Variants in RIMS2 observed in about 807,000 individuals in gnomAD.
RIMS2 encodes the protein regulating synaptic membrane exocytosis 2.
In RIMS2, 59 loss-of-function variants were observed where a neutral mutation model predicts 174.4. That is an observed-to-expected ratio of 0.34 (90% CI 0.27 to 0.42). RIMS2 has a LOEUF of 0.42. RIMS2 is among the 10% of genes least tolerant of loss of function. The pLI is 1.00. For missense variants in RIMS2, 1,620 were observed against 1,666.3 expected (o/e 0.97, Z 0.48); for synonymous variants, 606 against 572.5 (o/e 1.06, Z -0.84).
intron 1 of RIMS2, among the ~76,000 whole-genome samples, chr8:103,678,366 G>A (rs2096840601): frequency 1.3e-5 from 2 of 152,144 alleles, no homozygotes; most frequent in African/African-American, 4.8e-5. Context: ...CAATTCTCAT[G>A]ACTTTTCTAA....
intron 1 of RIMS2, among the ~76,000 whole-genome samples, chr8:103,612,549 T>C (rs1286777464): frequency 1.3e-5 from 2 of 152,198 alleles, no homozygotes; most frequent in Non-Finnish European, 2.9e-5. Context: ...AAGAATTCTC[T>C]GGATTACTAG....
At chr8:103,791,220 C>T (rs2098495791) in intron 3 of RIMS2, among the ~76,000 whole-genome samples, 1 of 152,210 alleles carries the variant, frequency 6.6e-6, no homozygotes, top group South Asian at 2.1e-4. Context: ...AACAGCAGAT[C>T]TCTTTGCAGA....
chr8:104,038,441 A>T (rs752944758), intron 19 of RIMS2, among the ~76,000 whole-genome samples: 2 of 152,044 alleles, frequency 1.3e-5, no homozygotes, highest in East Asian at 1.9e-4. Context: ...TATTGATTAG[A>T]TGAAAAGTTG....
chr8:103,837,146 A>C (rs1030736647), intron 3 of RIMS2, among the ~76,000 whole-genome samples: 2 of 152,220 alleles, frequency 1.3e-5, no homozygotes, highest in African/African-American at 2.4e-5. Context: ...ACTGTCTTGC[A>C]GTTCTATAGG....
exon 11 of RIMS2, chr8:103,927,884 G>A: frequency 6.2e-7 from 1 of 1,607,522 alleles, no homozygotes; most frequent in South Asian, 1.1e-5. Flanking sequence ...TGTTCCTAGG[G>A]TTCAGGTAAA....
chr8:104,209,106 G>A (rs1416998884), intron 19 of RIMS2, among the ~76,000 whole-genome samples: 1 of 152,150 alleles, frequency 6.6e-6, no homozygotes, highest in Non-Finnish European at 1.5e-5. Flanking sequence ...GAACAACAAA[G>A]AACTGATGGA....
intron 1 of RIMS2, among the ~76,000 whole-genome samples, chr8:103,610,272 T>C (rs1362202168): frequency 6.6e-6 from 1 of 152,178 alleles, no homozygotes; most frequent in Non-Finnish European, 1.5e-5. Flanking sequence ...CTATGTCATA[T>C]GCAAAGGGGA....
At chr8:103,945,670 A>T (rs2083546785) in intron 14 of RIMS2, among the ~76,000 whole-genome samples, 1 of 152,154 alleles carries the variant, frequency 6.6e-6, no homozygotes, top group African/African-American at 2.4e-5. Context: ...ACATATTAAC[A>T]GAAAAAAGAA....
At chr8:103,758,957 A>C (rs886139071) in intron 2 of RIMS2, among the ~76,000 whole-genome samples, 3 of 152,198 alleles carry the variant, frequency 2.0e-5, no homozygotes, top group Non-Finnish European at 4.4e-5. Flanking sequence ...CATTACTTCA[A>C]GCTGAGGGTA....
At chr8:103,743,394 T>A (rs2097779015) in intron 2 of RIMS2, among the ~76,000 whole-genome samples, 1 of 152,172 alleles carries the variant, frequency 6.6e-6, no homozygotes, top group Non-Finnish European at 1.5e-5. Context: ...CAGTTTCTAT[T>A]CCATTGAGTT....
chr8:103,631,084 G>T (rs1025253334), intron 1 of RIMS2, among the ~76,000 whole-genome samples: 11 of 152,148 alleles, frequency 7.2e-5, no homozygotes, highest in Non-Finnish European at 1.2e-4. Context: ...TGTTTACTCT[G>T]TTGATAGTTT....
rs183035112 is a variant in RIMS2 at position 104,233,301 on chromosome 8, C to T, written c.3335-11615C>T. On this transcript the variant is annotated intron_variant, in intron 19 of 23. Coordinates refer to ENST00000504942, the Ensembl canonical transcript of RIMS2. ...AGCAATGTGTAGTCCTCTCATATCT[C>T]GATGTGGCTTTTCATGTTATGGTGA... 3.2e-3 allele frequency among the ~76,000 whole-genome samples: 492 copies of T among 152,226 alleles called. 1 individual carries two copies. The highest frequency in any genetic ancestry group is 4.8e-3 in the Non-Finnish European group (324 of 68,010).
intron 19 of RIMS2, among the ~76,000 whole-genome samples, chr8:104,081,153 T>G (rs1257388806): frequency 6.6e-6 from 1 of 152,022 alleles, no homozygotes; most frequent in African/African-American, 2.4e-5. Context: ...GATTGGCCAT[T>G]TTCAGGTCAT....
At chr8:104,212,256 G>A (rs1325422174) in intron 19 of RIMS2, among the ~76,000 whole-genome samples, 2 of 152,248 alleles carry the variant, frequency 1.3e-5, no homozygotes, top group East Asian at 3.9e-4. Flanking sequence ...ATCCTCTGGA[G>A]GGAATGTATA....
At chr8:104,133,285 G>C (rs2098488059) in intron 19 of RIMS2, among the ~76,000 whole-genome samples, 1 of 152,124 alleles carries the variant, frequency 6.6e-6, no homozygotes, top group African/African-American at 2.4e-5. Context: ...CAAATGGCTT[G>C]ACATTTAGGT....
At chr8:103,778,995 T>C (rs2098352747) in intron 3 of RIMS2, among the ~76,000 whole-genome samples, 1 of 152,192 alleles carries the variant, frequency 6.6e-6, no homozygotes, top group South Asian at 2.1e-4. Flanking sequence ...TCTCTGATTA[T>C]TAGTGATGTT....
At chr8:104,046,397 A>T (rs2096695901) in intron 19 of RIMS2, among the ~76,000 whole-genome samples, 1 of 152,088 alleles carries the variant, frequency 6.6e-6, no homozygotes, top group East Asian at 1.9e-4. Context: ...AGACACAAAT[A>T]TTCAGACTAG....
At chr8:103,516,330 T>C (rs1370197193) in intron 1 of RIMS2, among the ~76,000 whole-genome samples, 5 of 152,122 alleles carry the variant, frequency 3.3e-5, no homozygotes, top group Admixed American at 3.3e-4. Context: ...GAAATAATTA[T>C]TTACTTCAAT....
chr8:103,576,733 A>G (rs1187512630), intron 1 of RIMS2, among the ~76,000 whole-genome samples: 1 of 152,192 alleles, frequency 6.6e-6, no homozygotes, highest in Non-Finnish European at 1.5e-5. Flanking sequence ...AGATATATAG[A>G]CCAATGGAAC....
Sources: allele counts gnomAD v4.1 joint callset (sites outside exome capture counted in the v4.1 genomes callset), GRCh38; gene constraint gnomAD v4.1.1; transcripts MANE v1.5; gene names NCBI Gene and HGNC (gene_info 2026-07-23, HGNC 2026-07-21).